The following ARHGAP24 variants were observed in gnomAD, a reference collection of about 807,000 sequenced individuals.
The protein encoded by ARHGAP24 is Rho GTPase activating protein 24.
ARHGAP24 carries 50 observed loss-of-function variants against 76.4 expected under a neutral mutation model. The ratio of observed to expected loss-of-function variants is 0.65; its 90% CI spans 0.52 to 0.83. ARHGAP24 has a LOEUF of 0.83. Ranked by LOEUF, ARHGAP24 falls within the 40% of genes least tolerant of loss-of-function variation. The probability of loss-of-function intolerance (pLI) is 0.00; values close to 1 mark genes in which losing one functional copy is unlikely to be tolerated. For missense variants in ARHGAP24, 930 were observed against 914.2 expected, an observed-to-expected ratio of 1.02 and a Z score of -0.22; for synonymous variants, 345 against 323.3, an observed-to-expected ratio of 1.07 and a Z score of -0.72.
At chr4:85,969,565 G>C (rs146566327) in intron 5 of ARHGAP24, among the ~76,000 whole-genome samples, 1 of 152,096 alleles carries the variant, frequency 6.6e-6, no homozygotes, top group Non-Finnish European at 1.5e-5. Flanking sequence ...AGTCATGATG[G>C]TAGATTGGGT....
chr4:85,638,140 T>C (rs1293442398), intron 2 of ARHGAP24, among the ~76,000 whole-genome samples: 1 of 152,172 alleles, frequency 6.6e-6, no homozygotes, highest in Non-Finnish European at 1.5e-5. Context: ...TGGTCTTGTA[T>C]GTTCATGACT....
chr4:85,743,475 G>A (rs1725904632), intron 3 of ARHGAP24, among the ~76,000 whole-genome samples: 1 of 144,562 alleles, frequency 6.9e-6, no homozygotes. Flanking sequence ...GGGTGAGGCA[G>A]GAGGATCACT....
At chr4:85,865,627 TTTTA>T (rs1439804524) in intron 3 of ARHGAP24, among the ~76,000 whole-genome samples, 4 of 150,242 alleles carry the variant, frequency 2.7e-5, no homozygotes, top group South Asian at 2.1e-4. Context: ...GGAATGTACA[TTTTA>T]TTTGTGTTTT....
intron 5 of ARHGAP24, among the ~76,000 whole-genome samples, chr4:85,946,140 T>C (rs548401377): frequency 3.5e-4 from 54 of 152,270 alleles, no homozygotes; most frequent in Non-Finnish European, 5.6e-4. Flanking sequence ...GAGAACAGCA[T>C]GAGAAAGACC....
intron 2 of ARHGAP24, among the ~76,000 whole-genome samples, chr4:85,673,117 C>A (rs1471719815): frequency 6.6e-6 from 1 of 152,130 alleles, no homozygotes; most frequent in African/African-American, 2.4e-5. Flanking sequence ...TAAGCATGAG[C>A]TTGCACAAAG....
intron 3 of ARHGAP24, among the ~76,000 whole-genome samples, chr4:85,849,458 G>A (rs984230595): frequency 6.6e-6 from 1 of 152,084 alleles, no homozygotes. Context: ...TTGCCTGATT[G>A]CCCTGGCCAG....
At chr4:85,986,411 T>G (rs1739999392) in intron 8 of ARHGAP24, among the ~76,000 whole-genome samples, 1 of 152,064 alleles carries the variant, frequency 6.6e-6, no homozygotes, top group Admixed American at 6.6e-5. Context: ...GAAGCAGCAG[T>G]TTTTAGACAT....
chr4:85,748,954 C>G (rs1162169095), intron 3 of ARHGAP24, among the ~76,000 whole-genome samples: 1 of 152,178 alleles, frequency 6.6e-6, no homozygotes, highest in East Asian at 1.9e-4. Flanking sequence ...CAGGCTGTCT[C>G]TCCCTCAACG....
intron 1 of ARHGAP24, among the ~76,000 whole-genome samples, chr4:85,542,787 T>C (rs936775884): frequency 2.6e-5 from 4 of 152,186 alleles, no homozygotes; most frequent in African/African-American, 9.7e-5. Context: ...GAGTGTAGAA[T>C]TTTGGAACCA....
At chr4:85,718,169 A>T (rs1724801997) in intron 2 of ARHGAP24, among the ~76,000 whole-genome samples, 1 of 152,128 alleles carries the variant, frequency 6.6e-6, no homozygotes, top group African/African-American at 2.4e-5. Context: ...ACAACATAAA[A>T]TGTTCCTTAT....
At chr4:85,793,757 CA>C (rs147621517) in intron 3 of ARHGAP24, among the ~76,000 whole-genome samples, 178 of 152,308 alleles carry the variant, frequency 1.2e-3, no homozygotes, top group African/African-American at 4.1e-3. Context: ...TGTTTTCCTT[CA>C]TACTTATCCA....
rs1726843940 is a variant in ARHGAP24 at position 85,566,336 on chromosome 4, T to G, written c.-20-4186T>G. Among the ~76,000 whole-genome samples, 3 of 152,206 alleles carry G rather than the reference T, an allele frequency of 2.0e-5. No homozygotes were observed. In the South Asian group the frequency reaches 6.2e-4, roughly 31 times the overall value. ...TTGAGTGAATAAACTGTACTTAGTGTTAAACCACAATTGGTTATGTGTATT... is the reference window on the plus strand; with the variant it reads ...TTGAGTGAATAAACTGTACTTAGTGGTAAACCACAATTGGTTATGTGTATT... On this transcript the variant is annotated intron_variant, in intron 1 of 9. Coordinates refer to ENST00000395184, the MANE Select transcript of ARHGAP24 (RefSeq NM_001025616.3).
At chr4:85,852,041 T>C (rs1731264609) in intron 3 of ARHGAP24, among the ~76,000 whole-genome samples, 1 of 152,166 alleles carries the variant, frequency 6.6e-6, no homozygotes, top group African/African-American at 2.4e-5. Context: ...TCCTGAAGAG[T>C]GTTTTCCAGC....
intron 5 of ARHGAP24, among the ~76,000 whole-genome samples, chr4:85,971,657 A>T (rs867282814): frequency 5.3e-5 from 8 of 152,136 alleles, no homozygotes; most frequent in Non-Finnish European, 8.8e-5. Context: ...TTAAATGTGC[A>T]ATAAATTATT....
At chr4:85,716,068 C>T (rs1724722564) in intron 2 of ARHGAP24, among the ~76,000 whole-genome samples, 1 of 152,012 alleles carries the variant, frequency 6.6e-6, no homozygotes, top group South Asian at 2.1e-4. Flanking sequence ...CTGTGATGCT[C>T]ATAGTCATTG....
chr4:85,690,772 T>TTA (rs1553923161), intron 2 of ARHGAP24, among the ~76,000 whole-genome samples: 1 of 148,898 alleles, frequency 6.7e-6, no homozygotes, highest in African/African-American at 2.6e-5. Flanking sequence ...TTTTTTTTTT[T>TTA]ATTTCATGGA....
At chr4:85,495,603 C>T (rs956914913) in intron 1 of ARHGAP24, among the ~76,000 whole-genome samples, 1 of 151,964 alleles carries the variant, frequency 6.6e-6, no homozygotes. Flanking sequence ...CCGCCCGCCT[C>T]GGCCGCCCAA....
intron 1 of ARHGAP24, among the ~76,000 whole-genome samples, chr4:85,509,241 T>G (rs1013667457): frequency 4.7e-5 from 7 of 149,568 alleles, no homozygotes; most frequent in African/African-American, 1.7e-4. Flanking sequence ...ATATACCTAA[T>G]GCTAAATGAT....
chr4:85,812,501 T>C (rs1291391134), intron 3 of ARHGAP24, among the ~76,000 whole-genome samples: 1 of 152,016 alleles, frequency 6.6e-6, no homozygotes, highest in African/African-American at 2.4e-5. Context: ...CATTTGAAAC[T>C]CTAACCCAGA....
Sources: allele counts gnomAD v4.1 joint callset (sites outside exome capture counted in the v4.1 genomes callset), GRCh38; gene constraint gnomAD v4.1.1; transcripts MANE v1.5; gene names NCBI Gene and HGNC (gene_info 2026-07-23, HGNC 2026-07-21).